Variants in INO80 observed in about 807,000 individuals in gnomAD.
The protein encoded by INO80 is INO80 complex ATPase subunit.
Under a neutral mutation model 203.4 loss-of-function variants are expected in INO80, and 20 were observed. That is an observed-to-expected ratio of 0.10 (90% CI 0.07 to 0.14). The LOEUF (loss-of-function observed/expected upper bound fraction) is 0.14, where lower values mean the gene tolerates loss of function less well. Ranked by LOEUF, INO80 falls within the 10% of genes least tolerant of loss-of-function variation. The probability of loss-of-function intolerance (pLI) is 1.00; values close to 1 mark genes in which losing one functional copy is unlikely to be tolerated. For missense variants in INO80, 1,419 were observed against 1,914.4 expected (o/e 0.74, Z 4.83); for synonymous variants, 726 against 685.2 (o/e 1.06, Z -0.93).
intron 9 of INO80, among the ~76,000 whole-genome samples, chr15:41,075,833 C>T (rs1566939508): frequency 2.0e-5 from 3 of 151,944 alleles, no homozygotes; most frequent in Admixed American, 1.3e-4. Flanking sequence ...CTCATGTGAT[C>T]GGCCCACATT....
intron 1 of INO80, among the ~76,000 whole-genome samples, chr15:41,098,013 G>A (rs1433726268): frequency 1.3e-5 from 2 of 152,064 alleles, no homozygotes; most frequent in Non-Finnish European, 2.9e-5. Flanking sequence ...TTTATTTGTG[G>A]CGGTTTTTTT....
chr15:41,058,914 G>C, intron 15 of INO80, 133 bp from the exon 16 acceptor site: 1 of 790,238 alleles, frequency 1.3e-6, no homozygotes, highest in Non-Finnish European at 2.0e-6. Context: ...ATATGGTAGG[G>C]AGATGTGCAG....
chr15:41,055,449 T>G, intron 17 of INO80, 85 bp from the exon 18 acceptor site: 3 of 710,928 alleles, frequency 4.2e-6, no homozygotes. Flanking sequence ...AAATTGCAGG[T>G]GTATTAGTGT....
intron 1 of INO80, among the ~76,000 whole-genome samples, chr15:41,098,499 A>C (rs148853012): frequency 2.6e-4 from 40 of 152,230 alleles, no homozygotes; most frequent in African/African-American, 9.6e-4. Flanking sequence ...ACACAGTGAG[A>C]TCTCATCTCT....
At chr15:41,078,495 A>G (rs897917759) in intron 9 of INO80, among the ~76,000 whole-genome samples, 7 of 150,816 alleles carry the variant, frequency 4.6e-5, no homozygotes, top group African/African-American at 1.7e-4. Context: ...CTTGATAATT[A>G]TGATTACCTT....
chr15:41,083,873 A>G (rs1180687173), intron 7 of INO80, among the ~76,000 whole-genome samples: 2 of 152,158 alleles, frequency 1.3e-5, no homozygotes, highest in African/African-American at 2.4e-5. Flanking sequence ...CCACCAGCTT[A>G]TTCTACTCAT....
chr15:41,032,822 G>A (rs749555147), intron 24 of INO80, among the ~76,000 whole-genome samples: 1 of 152,074 alleles, frequency 6.6e-6, no homozygotes, highest in Non-Finnish European at 1.5e-5. Flanking sequence ...GGCGGATCAC[G>A]AGGTCAGGAG....
At chr15:41,064,032 T>A (rs1399115301) in intron 14 of INO80, among the ~76,000 whole-genome samples, 2 of 151,952 alleles carry the variant, frequency 1.3e-5, no homozygotes, top group African/African-American at 4.8e-5. Context: ...AGAAGAGAAA[T>A]GGACAAATCC....
At chr15:41,073,684 G>GCCAT (rs1459558864) in intron 10 of INO80, among the ~76,000 whole-genome samples, 189 bp from the exon 11 acceptor site, 3 of 152,174 alleles carry the variant, frequency 2.0e-5, no homozygotes, top group African/African-American at 7.2e-5. Flanking sequence ...GTGGAGGACT[G>GCCAT]CCATGGTCTC....
Position 41,055,311 on chromosome 15 carries a change from T to C in INO80, c.2124A>G (p.Glu708=), listed in dbSNP as rs1244681036. 1.9e-6 allele frequency: 3 copies of C among 1,613,356 alleles called. No individual in the cohort carries two copies. Among genetic ancestry groups the C allele is most frequent in the Admixed American group, 1.7e-5 (1 of 59,982 alleles). Residue 708 remains glutamate (E), a synonymous_variant, in exon 18 of 36, where the codon GAA becomes GAG. Transcript: ENST00000648947. ...TGTCCTTGGAAAACCATTCATTAAA[T>C]TCCTCATGTGAATCAAATAATGTTG... ...IMPTLFDSHE[E]FNEWFSKDIE... is the part of the protein sequence containing the mutation.
rs1596314791 is a variant in INO80, at chr15:41,079,924, T to G, written c.928-20A>C. 3 of 1,611,038 alleles carry G rather than the reference T, an allele frequency of 1.9e-6. No homozygotes were observed. The African/African-American group carries it at 4.0e-5, about 22-fold the overall frequency. ...AGCAAGCTGAAAACAACAACAGCATTACAGCGGAAAGGACCCCATACCAGA... is the reference window on the plus strand; with the variant it reads ...AGCAAGCTGAAAACAACAACAGCATGACAGCGGAAAGGACCCCATACCAGA... On this transcript the variant is annotated intron_variant, in intron 8 of 35. Transcript: ENST00000648947.
At chr15:40,983,612 T>C (rs1893915820) in intron 34 of INO80, 150 bp downstream of exon 34, 1 of 673,062 alleles carries the variant, frequency 1.5e-6, no homozygotes, top group Non-Finnish European at 2.5e-6. Flanking sequence ...TTATTTTGCT[T>C]TCCCTAAACC....
chr15:41,052,615 G>A (rs2044895278), intron 19 of INO80, among the ~76,000 whole-genome samples: 1 of 148,708 alleles, frequency 6.7e-6, no homozygotes, highest in Non-Finnish European at 1.5e-5. Context: ...CAAAGCTGAA[G>A]TGAGCCGTGA....
chr15:40,980,969 G>A (rs536410542), intron 35 of INO80, among the ~76,000 whole-genome samples: 77 of 152,246 alleles, frequency 5.1e-4, no homozygotes, highest in Non-Finnish European at 1.0e-4. Flanking sequence ...TGCTCTCCAA[G>A]GCCTGTGTCA....
intron 27 of INO80, among the ~76,000 whole-genome samples, chr15:41,015,460 T>C (rs902523214): frequency 1.3e-5 from 2 of 152,178 alleles, no homozygotes; most frequent in Non-Finnish European, 2.9e-5. Flanking sequence ...AATCTTGTTT[T>C]CCATACATAA....
intron 1 of INO80, among the ~76,000 whole-genome samples, chr15:41,115,225 G>A (rs913822090): frequency 2.0e-5 from 3 of 152,120 alleles, no homozygotes; most frequent in African/African-American, 7.2e-5. Context: ...AGAATTCCAG[G>A]CACAGTTGGC....
intron 12 of INO80, 152 bp downstream of exon 12, chr15:41,071,697 G>A: frequency 1.7e-6 from 1 of 595,974 alleles, no homozygotes. Context: ...CCAACCTCAG[G>A]TGATCCGCCT....
intron 1 of INO80, among the ~76,000 whole-genome samples, chr15:41,113,995 A>G (rs765738750): frequency 2.0e-5 from 3 of 152,140 alleles, no homozygotes; most frequent in Non-Finnish European, 4.4e-5. Context: ...TCAGCCGGGC[A>G]CGGTGGCTCA....
At chr15:41,099,949 C>T (rs1198740538) in intron 1 of INO80, among the ~76,000 whole-genome samples, 2 of 152,168 alleles carry the variant, frequency 1.3e-5, no homozygotes, top group Non-Finnish European at 2.9e-5. Flanking sequence ...CTCTGCTTGG[C>T]TCCATCCCAA....
Sources: allele counts gnomAD v4.1 joint callset (sites outside exome capture counted in the v4.1 genomes callset), GRCh38; gene constraint gnomAD v4.1.1; transcripts MANE v1.5; gene names NCBI Gene and HGNC (gene_info 2026-07-23, HGNC 2026-07-21).